Variants in C16orf95 observed in about 807,000 individuals in gnomAD.
C16orf95 encodes chromosome 16 open reading frame 95, also known as uncharacterized protein C16orf95.
In C16orf95, 41 loss-of-function variants were observed where a neutral mutation model predicts 32.1. The observed-to-expected ratio is 1.28, with a 90% CI of 1.00 to 1.66. The LOEUF (loss-of-function observed/expected upper bound fraction) is 1.66, where lower values mean the gene tolerates loss of function less well. Among genes scored for constraint, C16orf95 ranks in the 40% most tolerant of loss-of-function variants. The probability of loss-of-function intolerance (pLI) is 0.00; values close to 1 mark genes in which losing one functional copy is unlikely to be tolerated. For synonymous variants in C16orf95, 147 were observed against 128.9 expected (o/e 1.14, Z -0.95); for missense variants, 399 against 325.9 (o/e 1.22, Z -1.73).
In C16orf95 at chr16:87,305,384, C is replaced by T. The variant is rs138080576; in HGVS notation, c.701+335G>A. ...AGGGTGAGTGGCTGTTAAGATGCAC[C>T]GTCAACCCCAACATAACAATGAAAA... On this transcript the variant is annotated intron_variant, in intron 6 of 6. Coordinates refer to ENST00000567970, the MANE Select transcript of C16orf95 (RefSeq NM_001195124.3). The surrounding 1 kb of genome is among the most constrained non-coding windows in gnomAD (Gnocchi z 4.2). Among the ~76,000 whole-genome samples the T allele has an allele frequency of 0.013, 2,042 of 152,000 alleles. 22 individuals carry two copies. Among genetic ancestry groups the T allele is most frequent in the Non-Finnish European group, 0.021 (1,443 of 67,958 alleles).
intron 2 of C16orf95, among the ~76,000 whole-genome samples, chr16:87,315,526 C>A (rs1222803506): frequency 6.6e-6 from 1 of 152,246 alleles, no homozygotes; most frequent in Non-Finnish European, 1.5e-5. Context: ...GTGCTGCCAT[C>A]ACCTCCAGGG....
At chr16:87,312,369 G>A (rs954551860) in intron 3 of C16orf95, among the ~76,000 whole-genome samples, 17 of 152,136 alleles carry the variant, frequency 1.1e-4, no homozygotes, top group Admixed American at 7.2e-4. Context: ...AGGTGTTTGA[G>A]ACCAGACTAG....
intron 6 of C16orf95, chr16:87,303,289 G>A (rs1910849958): frequency 1.8e-6 from 1 of 556,926 alleles, no homozygotes; most frequent in Non-Finnish European, 3.2e-6. Flanking sequence ...CTGGGGTGAG[G>A]CATTCCACCT....
chr16:87,316,465 G>A (rs956542534), intron 1 of C16orf95, among the ~76,000 whole-genome samples: 2 of 152,152 alleles, frequency 1.3e-5, no homozygotes, highest in Non-Finnish European at 2.9e-5. Context: ...CCGTAAGAGC[G>A]ATATAAGTGT....
At chr16:87,310,218 G>T in intron 5 of C16orf95, 79 bp downstream of exon 5, 3 of 1,384,870 alleles carry the variant, frequency 2.2e-6, no homozygotes, top group African/African-American at 1.4e-5. Flanking sequence ...TGAGAGGTCT[G>T]CCCCCACCAT....
intron 5 of C16orf95, among the ~76,000 whole-genome samples, chr16:87,307,773 T>C (rs1911092418): frequency 6.6e-6 from 1 of 152,006 alleles, no homozygotes; most frequent in South Asian, 2.1e-4. Flanking sequence ...AAACTAAAAA[T>C]AAAAATAAAA....
At chr16:87,309,677 C>T (rs1911192966) in intron 5 of C16orf95, among the ~76,000 whole-genome samples, 1 of 152,202 alleles carries the variant, frequency 6.6e-6, no homozygotes, top group Non-Finnish European at 1.5e-5. Context: ...AGCCACTGCA[C>T]CCAGCATATT....
At chr16:87,307,029 T>A (rs1177859603) in intron 5 of C16orf95, among the ~76,000 whole-genome samples, 1 of 152,114 alleles carries the variant, frequency 6.6e-6, no homozygotes, top group Non-Finnish European at 1.5e-5. Flanking sequence ...GGTTGGTGAT[T>A]ATTTGTTTCC....
intron 2 of C16orf95, 119 bp downstream of exon 2, chr16:87,315,653 T>G: frequency 1.3e-6 from 1 of 785,524 alleles, no homozygotes; most frequent in Non-Finnish European, 1.9e-6. Flanking sequence ...GCAACCACAC[T>G]TTTGTGTTTG....
At chr16:87,310,641 C>T (rs940674288) in intron 4 of C16orf95, among the ~76,000 whole-genome samples, 3 of 152,190 alleles carry the variant, frequency 2.0e-5, no homozygotes, top group Non-Finnish European at 2.9e-5. Context: ...CCAGAACTAG[C>T]GCTGTGGAGG....
intron 6 of C16orf95, among the ~76,000 whole-genome samples, chr16:87,304,409 C>T (rs1395894165): frequency 6.6e-6 from 1 of 152,260 alleles, no homozygotes; most frequent in Non-Finnish European, 1.5e-5. Context: ...CAGCCTTGCC[C>T]ATCCTTTAAG....
At position 87,305,672 on chromosome 16, in the gene C16orf95, T is replaced by A; in HGVS notation, c.701+47A>T. The A allele has an allele frequency of 7.0e-7, 1 of 1,438,684 alleles. No individual in the cohort carries two copies. The highest frequency in any genetic ancestry group is 9.1e-7 in the Non-Finnish European group (1 of 1,096,770). 89.1% of individuals were successfully genotyped at this position (1,438,684 alleles called of 1,614,324 possible). A position where few individuals can be genotyped will look rare whatever the true frequency, so the allele number is the denominator to read the frequency against. ...CCACCAAGCCTCCCTCAGGTGGACGTCACCATGCCAGGGCCACCCACTGTC... is the reference window on the plus strand; with the variant it reads ...CCACCAAGCCTCCCTCAGGTGGACGACACCATGCCAGGGCCACCCACTGTC... On this transcript the variant is annotated intron_variant, in intron 6 of 6. Transcript: ENST00000567970. The surrounding 1 kb of genome is among the most constrained non-coding windows in gnomAD (Gnocchi z 4.2).
chr16:87,306,652 T>G (rs914769446), intron 5 of C16orf95, among the ~76,000 whole-genome samples: 4 of 152,328 alleles, frequency 2.6e-5, no homozygotes, highest in East Asian at 3.9e-4. Flanking sequence ...CCAGTCAGAT[T>G]TGCAGCCAAA....
chr16:87,304,134 C>T (rs148794723), intron 6 of C16orf95, among the ~76,000 whole-genome samples: 1,634 of 152,268 alleles, frequency 0.011, 11 homozygotes, highest in Non-Finnish European at 0.017. Flanking sequence ...CTTCCCACCT[C>T]GTTCTCCCAA....
intron 6 of C16orf95, among the ~76,000 whole-genome samples, chr16:87,304,642 C>T (rs1000081212): frequency 1.3e-5 from 2 of 152,328 alleles, no homozygotes; most frequent in Admixed American, 6.5e-5. Context: ...GAGAGGCTGG[C>T]GCCCAGGCCC....
chr16:87,307,379 C>A (rs1486193578), intron 5 of C16orf95, among the ~76,000 whole-genome samples: 2 of 152,160 alleles, frequency 1.3e-5, no homozygotes, highest in African/African-American at 4.8e-5. Flanking sequence ...AATCTACATA[C>A]CAGGTCACAG....
rs768285882 is a variant in C16orf95 at position 87,317,331 on chromosome 16, G to C, written c.-89C>G. 5.6e-6 allele frequency: 8 copies of C among 1,438,480 alleles called. No individual in the cohort carries two copies. In the Admixed American group the frequency reaches 1.8e-4, roughly 32 times the overall value. The allele number at this position is 1,438,480 out of a possible 1,614,324, so 89.1% of individuals were successfully genotyped here. ...CTCCCGCCTTTCCCTCCTGCCCCAGGAGGAACCCAACCCGAGCTCAACCCC... is the reference window on the plus strand; with the variant it reads ...CTCCCGCCTTTCCCTCCTGCCCCAGCAGGAACCCAACCCGAGCTCAACCCC... On this transcript the variant is annotated 5_prime_UTR_variant, in exon 1 of 7. Transcript: ENST00000567970.
rs75556716 is a variant in C16orf95 at position 87,310,231 on chromosome 16, T to C, written c.514+66A>G. 5.1e-4 allele frequency: 753 copies of C among 1,478,104 alleles called. 5 individuals carry two copies. The East Asian group carries it at 0.015, about 28-fold the overall frequency. 91.6% of individuals were successfully genotyped at this position (1,478,104 alleles called of 1,614,324 possible). ...GATGAGAGGTCTGCCCCCACCATCA[T>C]GATGCTCACGAACCCCACCTTTCTG... On this transcript the variant is annotated intron_variant, in intron 5 of 6. Coordinates refer to ENST00000567970, the MANE Select transcript of C16orf95 (RefSeq NM_001195124.3).
At chr16:87,309,964 T>C (rs1192601404) in intron 5 of C16orf95, among the ~76,000 whole-genome samples, 1 of 152,192 alleles carries the variant, frequency 6.6e-6, no homozygotes, top group Admixed American at 6.5e-5. Context: ...TACACACACA[T>C]ACTATGTCAT....
Sources: gnomAD v4.1 joint callset for allele counts (sites outside exome capture counted in the v4.1 genomes callset) on GRCh38, gnomAD v4.1.1 for gene constraint, Gnocchi (gnomAD v3.1) non-coding constraint, MANE v1.5 for transcripts, NCBI Gene and HGNC (gene_info 2026-07-23, HGNC 2026-07-21) for gene names.